The following DPP10 variants were observed in gnomAD, a reference collection of about 807,000 sequenced individuals.
DPP10 encodes the protein inactive dipeptidyl peptidase 10.
In DPP10, 33 loss-of-function variants were observed where a neutral mutation model predicts 120.9. The ratio of observed to expected loss-of-function variants is 0.27; its 90% CI spans 0.21 to 0.37. DPP10 has a LOEUF of 0.37. Ranked by LOEUF, DPP10 falls within the 10% of genes least tolerant of loss-of-function variation. The probability of loss-of-function intolerance (pLI) is 1.00; values close to 1 mark genes in which losing one functional copy is unlikely to be tolerated. For missense variants in DPP10, 816 were observed against 942.8 expected (o/e 0.87, Z 1.76); for synonymous variants, 337 against 326.1 (o/e 1.03, Z -0.36).
At chr2:114,894,896 G>T (rs914922260) in intron 1 of DPP10, among the ~76,000 whole-genome samples, 1 of 151,966 alleles carries the variant, frequency 6.6e-6, no homozygotes, top group Non-Finnish European at 1.5e-5. Context: ...CTTATGAGAA[G>T]AAAAAATTAA....
intron 5 of DPP10, 34 bp from the exon 6 acceptor site, chr2:115,689,653 G>C (rs762041351): frequency 7.6e-7 from 1 of 1,314,474 alleles, no homozygotes; most frequent in Admixed American, 2.3e-5. Context: ...TTAAGATAAA[G>C]CTATGATCAA....
chr2:115,551,391 C>T (rs1288572981), intron 5 of DPP10, among the ~76,000 whole-genome samples: 1 of 152,098 alleles, frequency 6.6e-6, no homozygotes, highest in Admixed American at 6.6e-5. Context: ...AGTTAAGGCT[C>T]TGGGTGTGGC....
chr2:115,646,108 GCA>G (rs71394157), intron 5 of DPP10, among the ~76,000 whole-genome samples: 192 of 150,606 alleles, frequency 1.3e-3, no homozygotes, highest in African/African-American at 4.0e-3. Flanking sequence ...GTGCGTGCGC[GCA>G]CACACACACA....
At chr2:115,313,789 C>T (rs6542256) in intron 2 of DPP10, among the ~76,000 whole-genome samples, 137,211 of 152,260 alleles carry the variant, frequency 0.9, 61,960 homozygotes, top group African/African-American at 0.95. Context: ...GCTATTCAAG[C>T]ATTTCATTTT....
chr2:114,913,504 G>A (rs764815780), intron 1 of DPP10, among the ~76,000 whole-genome samples: 13 of 152,178 alleles, frequency 8.5e-5, no homozygotes, highest in Middle Eastern at 3.4e-3. Context: ...CCTTGACTCC[G>A]TGAAATCATC....
At chr2:115,540,900 T>A (rs2079133543) in intron 5 of DPP10, among the ~76,000 whole-genome samples, 1 of 151,892 alleles carries the variant, frequency 6.6e-6, no homozygotes, top group Non-Finnish European at 1.5e-5. Flanking sequence ...ATTTTATTAA[T>A]AATTTACATT....
intron 1 of DPP10, among the ~76,000 whole-genome samples, chr2:114,758,599 A>G (rs1444041483): frequency 6.6e-6 from 1 of 152,216 alleles, no homozygotes; most frequent in Admixed American, 6.5e-5. Context: ...TCCGTTCTAC[A>G]GTCTTTAATG....
chr2:115,643,904 A>T (rs1204011247), intron 5 of DPP10, among the ~76,000 whole-genome samples: 1 of 152,184 alleles, frequency 6.6e-6, no homozygotes, highest in Non-Finnish European at 1.5e-5. Context: ...TGTGAAAAAA[A>T]TAAAGTAGAG....
chr2:115,835,032 G>T (rs902003888), intron 21 of DPP10, among the ~76,000 whole-genome samples: 1 of 151,684 alleles, frequency 6.6e-6, no homozygotes, highest in Non-Finnish European at 1.5e-5. Context: ...CTTGCAGTGA[G>T]CCCAGGGGGC....
At position 114,883,012 on chromosome 2, in the gene DPP10, G is replaced by A. The variant is rs535116941; in HGVS notation, c.61-426227G>A. ...CTTACATCCATTCTGAGAAAAGAAA[G>A]GCAAGTTCTTACTTCCAAAACTGTA... On this transcript the variant is annotated intron_variant, in intron 1 of 25. Coordinates refer to ENST00000410059, the MANE Select transcript of DPP10 (RefSeq NM_020868.6). Among the ~76,000 whole-genome samples the A allele has an allele frequency of 2.0e-5, 3 of 152,276 alleles. No individual in the cohort carries two copies. The South Asian group carries it at 6.2e-4, about 32-fold the overall frequency.
chr2:114,953,578 C>T (rs74550286), intron 1 of DPP10, among the ~76,000 whole-genome samples: 2,359 of 151,900 alleles, frequency 0.016, 63 homozygotes, highest in African/African-American at 0.054. Context: ...TTATTCTGAG[C>T]GAAGGTCTCC....
chr2:115,281,978 A>G (rs1289770783), intron 1 of DPP10, among the ~76,000 whole-genome samples: 5 of 152,120 alleles, frequency 3.3e-5, no homozygotes, highest in Non-Finnish European at 5.9e-5. Flanking sequence ...TGTTGTTATT[A>G]TTATTACATT....
At chr2:115,148,929 T>C (rs2051381428) in intron 1 of DPP10, among the ~76,000 whole-genome samples, 1 of 152,188 alleles carries the variant, frequency 6.6e-6, no homozygotes, top group Non-Finnish European at 1.5e-5. Flanking sequence ...TAAGGCATTA[T>C]AATGTCATCA....
chr2:115,442,416 G>A (rs2072163837), intron 3 of DPP10, among the ~76,000 whole-genome samples: 1 of 151,366 alleles, frequency 6.6e-6, no homozygotes. Flanking sequence ...AAATCTCTAG[G>A]TGTTATTTTA....
At chr2:115,476,627 C>T (rs1055247481) in intron 3 of DPP10, among the ~76,000 whole-genome samples, 1 of 152,186 alleles carries the variant, frequency 6.6e-6, no homozygotes, top group Non-Finnish European at 1.5e-5. Flanking sequence ...GGATATGGCA[C>T]TAAGCAATTA....
intron 1 of DPP10, among the ~76,000 whole-genome samples, chr2:115,123,568 C>T (rs545523551): frequency 2.6e-5 from 4 of 152,256 alleles, no homozygotes; most frequent in Non-Finnish European, 4.4e-5. Context: ...TATTTGAGCC[C>T]GGTCATCCAA....
chr2:115,653,716 G>A (rs114021593), intron 5 of DPP10, among the ~76,000 whole-genome samples: 4 of 151,812 alleles, frequency 2.6e-5, no homozygotes, highest in Admixed American at 6.6e-5. Flanking sequence ...TCCCTAGAAG[G>A]CAAGTTGATG....
intron 1 of DPP10, among the ~76,000 whole-genome samples, chr2:114,724,403 G>A (rs998087271): frequency 4.6e-5 from 7 of 152,184 alleles, no homozygotes; most frequent in African/African-American, 1.7e-4. Context: ...AGCTTTATTG[G>A]CAATATCAGT....
rs1014257543 is a variant in DPP10 at position 115,801,182 on chromosome 2, A to G, written c.1700+9826A>G. ...TGTAAGTTGGATTCCTAGGTATTTT[A>G]TTCTCTTTGAAACAATTGTGAATGG... is the stretch of plus-strand genomic sequence containing the variant. On this transcript the variant is annotated intron_variant, in intron 19 of 25. Coordinates refer to ENST00000410059, the MANE Select transcript of DPP10 (RefSeq NM_020868.6). Among the ~76,000 whole-genome samples, 13 of 149,704 alleles carry G rather than the reference A, an allele frequency of 8.7e-5. No individual in the cohort carries two copies. In the East Asian group the frequency reaches 2.3e-3, roughly 27 times the overall value.
Sources: gnomAD v4.1 joint callset for allele counts (sites outside exome capture counted in the v4.1 genomes callset) on GRCh38, gnomAD v4.1.1 for gene constraint, MANE v1.5 for transcripts, NCBI Gene and HGNC (gene_info 2026-07-23, HGNC 2026-07-21) for gene names.